Variants in BOC observed in about 807,000 individuals in gnomAD.
The protein encoded by BOC is brother of CDO.
In BOC, 76 loss-of-function variants were observed where a neutral mutation model predicts 112.0. The observed-to-expected ratio is 0.68, with a 90% CI of 0.56 to 0.82. The LOEUF (loss-of-function observed/expected upper bound fraction) is 0.82. Among genes scored for constraint, BOC ranks in the 40% least tolerant of loss-of-function variants. The pLI, the probability that BOC is intolerant of heterozygous loss-of-function variation, is 0.00. For missense variants in BOC, 1,309 were observed against 1,511.7 expected, an observed-to-expected ratio of 0.87 and a Z score of 2.22; for synonymous variants, 580 against 599.8, an observed-to-expected ratio of 0.97 and a Z score of 0.48.
At position 113,286,905 on chromosome 3, in the gene BOC, TTAA is replaced by T. The variant is rs1559897675; in HGVS notation, c.*44_*46del. 1 of 1,466,690 alleles carries T rather than the reference TTAA, an allele frequency of 6.8e-7. No individual in the cohort carries two copies. Among genetic ancestry groups the T allele is most frequent in the Non-Finnish European group, 9.1e-7 (1 of 1,095,336 alleles). 90.9% of individuals were successfully genotyped at this position (1,466,690 alleles called of 1,614,324 possible). Reference sequence around the variant, plus strand: ...AGAAAGACTATATATTGTTTTTTTTTTAAAAAAAAAAAGAAGAAAAAAGAGACA... The same window carrying T: ...AGAAAGACTATATATTGTTTTTTTTTAAAAAAAAAGAAGAAAAAAGAGACA... On this transcript the variant is annotated 3_prime_UTR_variant, in exon 20 of 20. Coordinates refer to ENST00000682979, the MANE Select transcript of BOC (RefSeq NM_001378074.1).
At chr3:113,265,372 A>T (rs1947357931) in intron 4 of BOC, among the ~76,000 whole-genome samples, 1 of 152,078 alleles carries the variant, frequency 6.6e-6, no homozygotes, top group African/African-American at 2.4e-5. Context: ...AAAAAAAAAG[A>T]AACCTCTTGG....
intron 9 of BOC, among the ~76,000 whole-genome samples, chr3:113,275,837 A>G (rs1948607540): frequency 6.6e-6 from 1 of 152,012 alleles, no homozygotes; most frequent in Non-Finnish European, 1.5e-5. Flanking sequence ...TTTTCCCCTT[A>G]CATGCTCTCC....
chr3:113,234,624 A>G (rs1049131595), intron 2 of BOC, among the ~76,000 whole-genome samples: 9 of 152,114 alleles, frequency 5.9e-5, no homozygotes, highest in Non-Finnish European at 1.3e-4. Context: ...ACATCCCCTA[A>G]GCCTTTTGTA....
Position 113,278,003 on chromosome 3 carries a change from C to A in BOC, c.1543-92C>A. On this transcript the variant is annotated intron_variant, in intron 9 of 19. Transcript: ENST00000682979. The surrounding 1 kb of genome is among the most constrained non-coding windows in gnomAD (Gnocchi z 4.2). The stretch of plus-strand genomic sequence containing the variant: ...TTATCGTCCTTCCCCTTCTCCTGCC[C>A]TCTTGGGCTCAGCGCTGCTTTCTTT... 1 of 1,501,880 alleles carries A rather than the reference C, an allele frequency of 6.7e-7. No individual in the cohort carries two copies. The highest frequency in any genetic ancestry group is 9.1e-7 in the Non-Finnish European group (1 of 1,096,610). 93.0% of individuals were successfully genotyped at this position (1,501,880 alleles called of 1,614,324 possible).
chr3:113,222,571 G>A lies in BOC; in HGVS notation c.-82+6297G>A, dbSNP rs911454750. ...TAACTGCCCTCAGGAATGTCCGTGG[G>A]TGTACCGGTTGCTCCGTGTCGGGGG... On this transcript the variant is annotated intron_variant, in intron 2 of 19. Transcript: ENST00000682979. Among the ~76,000 whole-genome samples the A allele has an allele frequency of 2.0e-5, 3 of 152,308 alleles. No homozygotes were observed. The South Asian group carries it at 6.2e-4, about 32-fold the overall frequency.
chr3:113,251,348 G>C, intron 4 of BOC: 1 of 182,708 alleles, frequency 5.5e-6, no homozygotes, highest in Non-Finnish European at 1.1e-5. Flanking sequence ...TGAGGGGCAA[G>C]CATAGTCCGA....
At chr3:113,238,843 G>A (rs1559825178) in intron 2 of BOC, among the ~76,000 whole-genome samples, 1 of 152,226 alleles carries the variant, frequency 6.6e-6, no homozygotes, top group Admixed American at 6.5e-5. Flanking sequence ...CCTATAGGAG[G>A]TGCTTGCTCA....
intron 2 of BOC, among the ~76,000 whole-genome samples, chr3:113,217,824 G>A (rs140169404): frequency 0.01 from 1,554 of 152,210 alleles, 19 homozygotes; most frequent in African/African-American, 0.036. Flanking sequence ...GTGCAAAAAC[G>A]CAGAAATCTG....
chr3:113,284,206 A>G, intron 16 of BOC, 129 bp from the exon 17 acceptor site: 1 of 742,080 alleles, frequency 1.3e-6, no homozygotes, highest in South Asian at 1.6e-5. Context: ...TCGCTTGGGC[A>G]CTGTCAACTC....
Position 113,278,968 on chromosome 3 carries a change from T to A in BOC, c.1816+185T>A. 3.0e-6 allele frequency: 2 copies of A among 655,880 alleles called. No individual in the cohort carries two copies. The highest frequency in any genetic ancestry group is 3.8e-5 in the South Asian group (2 of 52,140). The allele number at this position is 655,880 out of a possible 1,614,324, so 40.6% of individuals were successfully genotyped here. On this transcript the variant is annotated intron_variant, in intron 11 of 19. Transcript: ENST00000682979. The surrounding 1 kb of genome is among the most constrained non-coding windows in gnomAD (Gnocchi z 4.2). The stretch of plus-strand genomic sequence containing the variant: ...TAAAAGGCTGGCATTGATGCTGGGA[T>A]TGCTCACTGGGTGCATCCAGAGAGC...
At chr3:113,266,720 G>A (rs1947519295) in intron 4 of BOC, among the ~76,000 whole-genome samples, 1 of 152,146 alleles carries the variant, frequency 6.6e-6, no homozygotes, top group Non-Finnish European at 1.5e-5. Context: ...TTAGGTTCAG[G>A]GGACACAGAC....
chr3:113,285,706 A>G, intron 19 of BOC, 141 bp downstream of exon 19: 1 of 885,812 alleles, frequency 1.1e-6, no homozygotes, highest in Non-Finnish European at 1.6e-6. Flanking sequence ...GGGATGGGGC[A>G]TCGAGGGTGG....
In BOC at chr3:113,283,560, G is replaced by T. The variant is rs148702312; in HGVS notation, c.2584G>T (p.Val862Phe). The T allele has an allele frequency of 2.5e-6, 4 of 1,613,800 alleles. No individual in the cohort carries two copies. The South Asian group carries it at 3.3e-5, about 13-fold the overall frequency. The stretch of plus-strand genomic sequence containing the variant: ...CCTGCCCTATCTGATTGTCGGGGTC[G>T]TCCTGGGCTCCATCGTTCTCATCAT... ...SDLPYLIVGV[V>F]LGSIVLIIVT... is the part of the protein sequence containing the mutation. The change falls in exon 16 of 20, where the codon GTC (valine) becomes TTC (phenylalanine). Residue 862 changes from valine (V) to phenylalanine (F), a missense_variant. By Grantham distance (50) the Val-to-Phe change is conservative. Coordinates refer to ENST00000682979, the MANE Select transcript of BOC (RefSeq NM_001378074.1).
At chr3:113,230,222 A>G (rs1271934290) in intron 2 of BOC, among the ~76,000 whole-genome samples, 1 of 152,162 alleles carries the variant, frequency 6.6e-6, no homozygotes, top group African/African-American at 2.4e-5. Context: ...CAATACTCAG[A>G]CACTCAGGAC....
At chr3:113,224,990 T>C (rs1462350021) in intron 2 of BOC, among the ~76,000 whole-genome samples, 1 of 152,038 alleles carries the variant, frequency 6.6e-6, no homozygotes. Context: ...GGCAGGAGAA[T>C]GGCATGAACC....
intron 12 of BOC, 174 bp downstream of exon 12, chr3:113,279,629 TC>T: frequency 1.2e-6 from 1 of 812,960 alleles, no homozygotes. Context: ...TCTGCCTCCC[TC>T]CAGAAGAGCA....
At chr3:113,256,868 A>G (rs941515181) in intron 4 of BOC, among the ~76,000 whole-genome samples, 1 of 152,154 alleles carries the variant, frequency 6.6e-6, no homozygotes, top group Non-Finnish European at 1.5e-5. Context: ...CTGTAGATTC[A>G]GGTAAGAATT....
rs5851892 is a variant in BOC, at chr3:113,286,906, TAAA to T, written c.*53_*55del. The T allele has an allele frequency of 1.1e-4, 138 of 1,254,716 alleles. No individual in the cohort carries two copies. The highest frequency in any genetic ancestry group is 6.2e-4 in the East Asian group (23 of 37,372). The allele number at this position is 1,254,716 out of a possible 1,614,324, so 77.7% of individuals were successfully genotyped here. ...GAAAGACTATATATTGTTTTTTTTT[TAAA>T]AAAAAAAAGAAGAAAAAAGAGACAG... On this transcript the variant is annotated 3_prime_UTR_variant, in exon 20 of 20. Transcript: ENST00000682979.
rs947451533 is a variant in BOC at position 113,279,172 on chromosome 3, C to G, written c.1817-77C>G. ...GAGCAGGCCAGGCCCAGTGGGCATA[C>G]AGCGTCATCTCACCCTGCTTCCTTC... On this transcript the variant is annotated intron_variant, in intron 11 of 19. Transcript: ENST00000682979. 3.6e-4 allele frequency: 531 copies of G among 1,461,082 alleles called. 1 individual carries two copies. Among genetic ancestry groups the G allele is most frequent in the Non-Finnish European group, 4.8e-4 (505 of 1,058,848 alleles). The allele number at this position is 1,461,082 out of a possible 1,614,324, so 90.5% of individuals were successfully genotyped here. A position where few individuals can be genotyped will look rare whatever the true frequency, so the allele number is the denominator to read the frequency against.
Sources: allele counts gnomAD v4.1 joint callset (sites outside exome capture counted in the v4.1 genomes callset), GRCh38; gene constraint gnomAD v4.1.1; non-coding constraint Gnocchi (gnomAD v3.1); transcripts MANE v1.5; gene names NCBI Gene and HGNC (gene_info 2026-07-23, HGNC 2026-07-21).